BYSL: variants seen among roughly 807,000 people sequenced by gnomAD.
BYSL encodes bystin like, also known as bystin.
A neutral mutation model predicts 45.4 loss-of-function variants in BYSL; 21 were observed. The observed-to-expected ratio is 0.46, with a 90% CI of 0.33 to 0.67. The LOEUF (loss-of-function observed/expected upper bound fraction) is 0.67, where lower values mean the gene tolerates loss of function less well. BYSL is among the 30% of genes least tolerant of loss of function. The pLI, the probability that BYSL is intolerant of heterozygous loss-of-function variation, is 0.02. For synonymous variants in BYSL, 215 were observed against 231.3 expected (o/e 0.93, Z 0.64); for missense variants, 522 against 578.5 (o/e 0.90, Z 1.00).
In BYSL at chr6:41,932,507, G is replaced by A. The variant is rs757716103; in HGVS notation, c.1115G>A (p.Arg372His). The change falls in exon 7 of 7, where the codon CGT becomes CAT. Residue 372 changes from arginine to histidine, a missense_variant. Physicochemically the swap from Arg to His is conservative, Grantham distance 29. Transcript: ENST00000230340. The surrounding 1 kb of genome is among the most constrained non-coding windows in gnomAD (Gnocchi z 4.7). ...TTCCTGGGGTTCCGGACAGAGAAGC[G>A]TGAACTGCCTGTGCTGTGGCACCAG... ...FHFLGFRTEK[R>H]ELPVLWHQCL... The A allele has an allele frequency of 1.2e-4, 189 of 1,614,080 alleles. No individual in the cohort carries two copies. The Admixed American group carries it at 2.9e-3, about 25-fold the overall frequency.
chr6:41,917,714 G>A (rs969824727), upstream of BYSL: 7 of 467,268 alleles, frequency 1.5e-5, no homozygotes, highest in Admixed American at 9.4e-5. Flanking sequence ...GTCATATAAT[G>A]AAAAAGGGAT....
intron 5 of BYSL, 44 bp downstream of exon 5, chr6:41,931,600 C>G: frequency 6.2e-7 from 1 of 1,613,572 alleles, no homozygotes; most frequent in Non-Finnish European, 8.5e-7. Context: ...GCTGGAGCTT[C>G]TATGGGGAAC....
Position 41,921,699 on chromosome 6 carries a change from A to C in BYSL, c.137A>C (p.Glu46Ala). 2 of 1,612,924 alleles carry C rather than the reference A, an allele frequency of 1.2e-6. No individual in the cohort carries two copies. Among genetic ancestry groups the C allele is most frequent in the Non-Finnish European group, 1.7e-6 (2 of 1,179,634 alleles). The change falls in exon 1 of 7, where the codon GAG becomes GCG. Residue 46 changes from glutamate (E) to alanine (A), a missense_variant. Glu to Ala is a moderately radical substitution (Grantham distance 107). Coordinates refer to ENST00000230340, the MANE Select transcript of BYSL (RefSeq NM_004053.4). Reference sequence around the variant, plus strand: ...CGGGGTCGCGGGACAGGAGAAGCGGAGGAAGAGTATGTGGGGCCCCGGCTG... The same window carrying C: ...CGGGGTCGCGGGACAGGAGAAGCGGCGGAAGAGTATGTGGGGCCCCGGCTG... ...KRRGRGTGEA[E>A]EEYVGPRLSR...
rs778885897 is a variant in BYSL, at chr6:41,921,780, A to G, written c.218A>G (p.His73Arg). ...RQQQEELEAE[H>R]GTGDKPAAPR... ...CAACAGGAGGAACTCGAGGCCGAGC[A>G]TGGGACTGGGGACAAGCCCGCGGCG... Residue 73 changes from histidine to arginine, a missense_variant, in exon 1 of 7, where the codon CAT becomes CGT. Coordinates refer to ENST00000230340, the MANE Select transcript of BYSL (RefSeq NM_004053.4). The G allele has an allele frequency of 1.2e-6, 2 of 1,612,132 alleles. No homozygotes were observed. The highest frequency in any genetic ancestry group is 1.3e-5 in the African/African-American group (1 of 74,766).
chr6:41,932,881 T>G lies in BYSL; in HGVS notation c.*175T>G, dbSNP rs1582075810. On this transcript the variant is annotated 3_prime_UTR_variant, in exon 7 of 7. Coordinates refer to ENST00000230340, the MANE Select transcript of BYSL (RefSeq NM_004053.4). The surrounding 1 kb of genome is among the most constrained non-coding windows in gnomAD (Gnocchi z 4.7). Reference sequence around the variant, plus strand: ...CAGGAAGGACTGAGGGTCTGGCTGGTTCCCTCTTCCATTCTAGGCCCTTAT... The same window carrying G: ...CAGGAAGGACTGAGGGTCTGGCTGGGTCCCTCTTCCATTCTAGGCCCTTAT... The G allele has an allele frequency of 1.4e-6, 1 of 693,752 alleles. No individual in the cohort carries two copies. The highest frequency in any genetic ancestry group is 2.4e-6 in the Non-Finnish European group (1 of 425,320). 43.0% of individuals were successfully genotyped at this position (693,752 alleles called of 1,614,324 possible). A position where few individuals can be genotyped will look rare whatever the true frequency, so the allele number is the denominator to read the frequency against.
At chr6:41,909,197 G>A in the BYSL span, 2 of 1,521,058 alleles carry the variant, frequency 1.3e-6, no homozygotes, top group African/African-American at 1.4e-5. Context: ...GAGAAGAACT[G>A]GAAAATCTTC....
rs144441756 is a variant in BYSL at position 41,921,775 on chromosome 6, C to A, written c.213C>A (p.Ala71=). 2.5e-6 allele frequency: 4 copies of A among 1,612,834 alleles called. No individual in the cohort carries two copies. Among genetic ancestry groups the A allele is most frequent in the Non-Finnish European group, 3.4e-6 (4 of 1,179,792 alleles). The stretch of plus-strand genomic sequence containing the variant: ...GGCAGCAACAGGAGGAACTCGAGGC[C>A]GAGCATGGGACTGGGGACAAGCCCG... ...QARQQQEELE[A]EHGTGDKPAA... The change falls in exon 1 of 7, where the codon GCC becomes GCA. Residue 71 remains alanine, a synonymous_variant. Coordinates refer to ENST00000230340, the MANE Select transcript of BYSL (RefSeq NM_004053.4).
the BYSL span, among the ~76,000 whole-genome samples, chr6:41,912,253 C>A: frequency 2.9e-5 from 4 of 136,260 alleles, no homozygotes; most frequent in African/African-American, 1.1e-4. Flanking sequence ...CTTGCCTAGG[C>A]TGGTCTCAAA....
At chr6:41,910,715 C>T in the BYSL span, among the ~76,000 whole-genome samples, 1 of 151,828 alleles carries the variant, frequency 6.6e-6, no homozygotes, top group African/African-American at 2.4e-5. Flanking sequence ...GGATAGACTG[C>T]CACAATCCCA....
chr6:41,922,755 C>A (rs1775504897), intron 1 of BYSL, among the ~76,000 whole-genome samples: 2 of 152,226 alleles, frequency 1.3e-5, no homozygotes, highest in South Asian at 4.1e-4. Flanking sequence ...TTCTTATATT[C>A]AACTGCCTAT....
rs761860674 is a variant in BYSL at position 41,921,757 on chromosome 6, A to G, written c.195A>G (p.Gln65=). 6 of 1,613,388 alleles carry G rather than the reference A, an allele frequency of 3.7e-6. No individual in the cohort carries two copies. The highest frequency in any genetic ancestry group is 4.2e-6 in the Non-Finnish European group (5 of 1,179,898). ...SRRILQQARQ[Q]QEELEAEHGT... The stretch of plus-strand genomic sequence containing the variant: ...GGATTTTGCAGCAAGCACGGCAGCA[A>G]CAGGAGGAACTCGAGGCCGAGCATG... Residue 65 remains glutamine (Q), a synonymous_variant, in exon 1 of 7, where the codon CAA becomes CAG. Transcript: ENST00000230340.
chr6:41,920,934 C>G, upstream of BYSL: 1 of 1,563,858 alleles, frequency 6.4e-7, no homozygotes, highest in Non-Finnish European at 8.7e-7. Context: ...GACGGCGGAC[C>G]ATGGTCAAGG....
In BYSL at chr6:41,930,706, G is replaced by A. The variant is rs17850181; in HGVS notation, c.642G>A (p.Glu214=). The change falls in exon 4 of 7, where the codon GAG becomes GAA. Residue 214 remains glutamate (E), a synonymous_variant. Transcript: ENST00000230340. ...FKIIPALSNW[E]QILYVTEPEA... is the part of the protein sequence containing the mutation. ...TCATCCCTGCACTCTCCAACTGGGA[G>A]CAAATCCTCTACGTCACAGAGCCGG... The A allele has an allele frequency of 5.0e-6, 8 of 1,614,102 alleles. No homozygotes were observed. Among genetic ancestry groups the A allele is most frequent in the African/African-American group, 1.3e-5 (1 of 75,050 alleles).
Position 41,921,702 on chromosome 6 carries a change from A to G in BYSL, c.140A>G (p.Glu47Gly). The G allele has an allele frequency of 6.2e-7, 1 of 1,613,020 alleles. No individual in the cohort carries two copies. The highest frequency in any genetic ancestry group is 8.5e-7 in the Non-Finnish European group (1 of 1,179,714). The stretch of plus-strand genomic sequence containing the variant: ...GGTCGCGGGACAGGAGAAGCGGAGG[A>G]AGAGTATGTGGGGCCCCGGCTGAGC... ...RRGRGTGEAEEEYVGPRLSRR... is the reference protein window; with the variant it reads ...RRGRGTGEAEGEYVGPRLSRR... The change falls in exon 1 of 7, where the codon GAA becomes GGA. Residue 47 changes from glutamate (E) to glycine (G), a missense_variant. By Grantham distance (98) the Glu-to-Gly change is moderately conservative (BLOSUM62 -2). Coordinates refer to ENST00000230340, the MANE Select transcript of BYSL (RefSeq NM_004053.4).
At position 41,931,539 on chromosome 6, in the gene BYSL, C is replaced by T; in HGVS notation, c.848C>T (p.Pro283Leu). 6.2e-7 allele frequency: 1 copy of T among 1,614,190 alleles called. No homozygotes were observed. Among genetic ancestry groups the T allele is most frequent in the Non-Finnish European group, 8.5e-7 (1 of 1,180,052 alleles). Residue 283 changes from proline (P) to leucine (L), a missense_variant, in exon 5 of 7, where the codon CCT (proline) becomes CTT (leucine). By Grantham distance (98) the Pro-to-Leu change is moderately conservative (BLOSUM62 -3). Coordinates refer to ENST00000230340, the MANE Select transcript of BYSL (RefSeq NM_004053.4). ...GCTCTCAAGAAGGCCCTTTTCAAACCTGGAGCCTGGTTCAAAGGTGGGATC... is the reference window on the plus strand; with the variant it reads ...GCTCTCAAGAAGGCCCTTTTCAAACTTGGAGCCTGGTTCAAAGGTGGGATC... The part of the protein sequence containing the change: ...YMALKKALFK[P>L]GAWFKGILIP...
upstream of BYSL, chr6:41,920,994 T>A: frequency 1.2e-6 from 2 of 1,611,932 alleles, no homozygotes; most frequent in Non-Finnish European, 1.7e-6. Context: ...CAAAACCCCC[T>A]GCAGTCCTAC....
chr6:41,932,401 G>A lies in BYSL; in HGVS notation c.1009G>A (p.Ala337Thr). ...LKIAEMEYSG[A>T]NSIFLRLLLD... is the part of the protein sequence containing the mutation. The stretch of plus-strand genomic sequence containing the variant: ...AATTGCTGAGATGGAATACAGCGGT[G>A]CCAACAGCATCTTCCTGCGACTGCT... Residue 337 changes from alanine to threonine, a missense_variant, in exon 7 of 7, where the codon GCC (alanine) becomes ACC (threonine). Physicochemically the swap from Ala to Thr is moderately conservative, Grantham distance 58 (BLOSUM62 0). Coordinates refer to ENST00000230340, the MANE Select transcript of BYSL (RefSeq NM_004053.4). This position sits in a 1 kb window ranked among gnomAD's most constrained non-coding sequence, Gnocchi z 4.7. The A allele has an allele frequency of 6.2e-7, 1 of 1,613,484 alleles. No homozygotes were observed. The highest frequency in any genetic ancestry group is 1.6e-4 in the Middle Eastern group (1 of 6,062).
chr6:41,925,070 C>T (rs1013975397), intron 1 of BYSL, among the ~76,000 whole-genome samples: 1 of 151,966 alleles, frequency 6.6e-6, no homozygotes, highest in Non-Finnish European at 1.5e-5. Flanking sequence ...TAGTTGATAA[C>T]GGGTGAGATT....
At chr6:41,930,420 T>G in intron 3 of BYSL, 150 bp downstream of exon 3, 1 of 1,261,558 alleles carries the variant, frequency 7.9e-7, no homozygotes, top group East Asian at 2.6e-5. Context: ...TGGGTTCAGA[T>G]TCCTGCTCTG....
Sources: allele counts gnomAD v4.1 joint callset (sites outside exome capture counted in the v4.1 genomes callset), GRCh38; gene constraint gnomAD v4.1.1; non-coding constraint Gnocchi (gnomAD v3.1); transcripts MANE v1.5; gene names NCBI Gene and HGNC (gene_info 2026-07-23, HGNC 2026-07-21).